Variants in CADPS2 observed in about 807,000 individuals in gnomAD.
The protein encoded by CADPS2 is calcium dependent secretion activator 2.
CADPS2 carries 93 observed loss-of-function variants against 172.5 expected under a neutral mutation model. The ratio of observed to expected loss-of-function variants is 0.54; its 90% CI spans 0.46 to 0.64. The LOEUF (loss-of-function observed/expected upper bound fraction) is 0.64, where lower values mean the gene tolerates loss of function less well. CADPS2 is among the 30% of genes least tolerant of loss of function. The pLI is 0.00. For missense variants in CADPS2, 1,420 were observed against 1,565.9 expected, an observed-to-expected ratio of 0.91 and a Z score of 1.57; for synonymous variants, 546 against 555.2, an observed-to-expected ratio of 0.98 and a Z score of 0.23.
In CADPS2 at chr7:122,723,271, A is replaced by C. The variant is rs2090685008; in HGVS notation, c.453+13684T>G. 4.6e-5 allele frequency among the ~76,000 whole-genome samples: 7 copies of C among 152,216 alleles called. No homozygotes were observed. In the South Asian group the frequency reaches 1.2e-3, roughly 27 times the overall value. On this transcript the variant is annotated intron_variant, in intron 2 of 29. Transcript: ENST00000449022. ...CTACAGAATGGGAGAACATTTTTGCAATCTACTCATCTGACAAAGGCCTAA... is the reference window on the plus strand; with the variant it reads ...CTACAGAATGGGAGAACATTTTTGCCATCTACTCATCTGACAAAGGCCTAA...
intron 6 of CADPS2, among the ~76,000 whole-genome samples, chr7:122,612,609 T>G (rs1168879047): frequency 7.2e-5 from 11 of 152,060 alleles, no homozygotes; most frequent in African/African-American, 2.7e-4. Context: ...GATGGCAGTA[T>G]GCTCCAAATT....
chr7:122,741,010 C>T (rs1436120112), intron 1 of CADPS2, among the ~76,000 whole-genome samples: 1 of 152,098 alleles, frequency 6.6e-6, no homozygotes, highest in East Asian at 1.9e-4. Context: ...GATACACCTG[C>T]ACATGTGAGA....
chr7:122,519,781 T>C lies in CADPS2; in HGVS notation c.1476-6466A>G, dbSNP rs116149105. On this transcript the variant is annotated intron_variant, in intron 8 of 29. Transcript: ENST00000449022. ...TTTTGATTATATATTTAATATATGA[T>C]GTAGATGTGTAGAATATATTTTATG... Among the ~76,000 whole-genome samples, 851 of 152,160 alleles carry C rather than the reference T, an allele frequency of 5.6e-3. 5 individuals are homozygous for C. The highest frequency in any genetic ancestry group is 0.02 in the African/African-American group (813 of 41,554).
chr7:122,841,425 T>C (rs1810464072), intron 1 of CADPS2, among the ~76,000 whole-genome samples: 1 of 152,114 alleles, frequency 6.6e-6, no homozygotes, highest in African/African-American at 2.4e-5. Context: ...AGCCAAAAGA[T>C]TGGGAAGAAT....
At chr7:122,606,646 G>A (rs187436721) in intron 6 of CADPS2, among the ~76,000 whole-genome samples, 4 of 152,192 alleles carry the variant, frequency 2.6e-5, no homozygotes, top group Admixed American at 6.5e-5. Flanking sequence ...GTCTGAGACC[G>A]ACTGAGAGGC....
chr7:122,680,224 T>C (rs957663418), intron 2 of CADPS2, among the ~76,000 whole-genome samples: 1 of 152,244 alleles, frequency 6.6e-6, no homozygotes. Context: ...AACAATCCCA[T>C]TTCTTTACCT....
chr7:122,607,124 C>T (rs560161887), intron 6 of CADPS2, among the ~76,000 whole-genome samples: 5 of 152,000 alleles, frequency 3.3e-5, no homozygotes, highest in African/African-American at 7.2e-5. Flanking sequence ...ACAGATTAGA[C>T]GATCAGGAAA....
intron 8 of CADPS2, among the ~76,000 whole-genome samples, chr7:122,532,357 C>T (rs2061837590): frequency 6.6e-6 from 1 of 152,108 alleles, no homozygotes; most frequent in African/African-American, 2.4e-5. Flanking sequence ...ACATTTTCTA[C>T]AATATTCCAA....
intron 7 of CADPS2, among the ~76,000 whole-genome samples, chr7:122,577,156 A>T (rs1018374611): frequency 3.9e-5 from 6 of 152,038 alleles, no homozygotes; most frequent in African/African-American, 1.2e-4. Context: ...CCATGACTGT[A>T]AGTTTCCTGA....
intron 2 of CADPS2, among the ~76,000 whole-genome samples, chr7:122,724,318 TA>T (rs1213548691): frequency 3.3e-5 from 5 of 152,126 alleles, no homozygotes; most frequent in African/African-American, 1.2e-4. Context: ...GACTAGCACT[TA>T]AAAAAATTCA....
chr7:122,662,225 A>C (rs2080649066), intron 3 of CADPS2, among the ~76,000 whole-genome samples: 1 of 152,200 alleles, frequency 6.6e-6, no homozygotes, highest in South Asian at 2.1e-4. Context: ...GAATTTTATC[A>C]ATTTAAGTTT....
intron 7 of CADPS2, among the ~76,000 whole-genome samples, chr7:122,572,495 T>C (rs17381814): frequency 2.0e-5 from 3 of 152,022 alleles, no homozygotes; most frequent in East Asian, 3.9e-4. Flanking sequence ...AATGTTTTTA[T>C]AGCAAAATTT....
At chr7:122,804,907 T>C (rs903408909) in intron 1 of CADPS2, among the ~76,000 whole-genome samples, 7 of 152,212 alleles carry the variant, frequency 4.6e-5, no homozygotes, top group African/African-American at 1.4e-4. Flanking sequence ...AAATTGTACA[T>C]GAAACAATGA....
intron 12 of CADPS2, among the ~76,000 whole-genome samples, chr7:122,475,242 T>C (rs1458529083): frequency 6.6e-6 from 1 of 152,192 alleles, no homozygotes; most frequent in Non-Finnish European, 1.5e-5. Flanking sequence ...GTCTTCAATG[T>C]GAGTTATTTA....
chr7:122,765,552 G>C (rs1262512014), intron 1 of CADPS2, among the ~76,000 whole-genome samples: 1 of 152,036 alleles, frequency 6.6e-6, no homozygotes, highest in African/African-American at 2.4e-5. Flanking sequence ...CCTACTTCAT[G>C]AACATTGTTA....
At chr7:122,432,375 C>T (rs945289396) in intron 17 of CADPS2, among the ~76,000 whole-genome samples, 3 of 152,054 alleles carry the variant, frequency 2.0e-5, no homozygotes, top group South Asian at 4.1e-4. Context: ...CACTGTGGCT[C>T]ATGCTTGTAA....
At chr7:122,601,990 A>G (rs529612448) in intron 6 of CADPS2, among the ~76,000 whole-genome samples, 9 of 152,172 alleles carry the variant, frequency 5.9e-5, no homozygotes, top group African/African-American at 2.2e-4. Context: ...TAACCTTACT[A>G]AATAACTTAC....
intron 2 of CADPS2, among the ~76,000 whole-genome samples, chr7:122,713,537 C>T (rs1054475721): frequency 6.6e-6 from 1 of 151,970 alleles, no homozygotes; most frequent in Non-Finnish European, 1.5e-5. Flanking sequence ...GTCTTATTCA[C>T]CCAATTTACT....
At chr7:122,728,191 T>TC (rs2091297440) in intron 2 of CADPS2, among the ~76,000 whole-genome samples, 1 of 151,886 alleles carries the variant, frequency 6.6e-6, no homozygotes, top group Admixed American at 6.6e-5. Context: ...ATGCCAATCT[T>TC]CCCAGCTCCT....
Sources: gnomAD v4.1 joint callset for allele counts (sites outside exome capture counted in the v4.1 genomes callset) on GRCh38, gnomAD v4.1.1 for gene constraint, MANE v1.5 for transcripts, NCBI Gene and HGNC (gene_info 2026-07-23, HGNC 2026-07-21) for gene names.